Variants in MAP3K19 observed in about 807,000 individuals in gnomAD.
The protein encoded by MAP3K19 is mitogen-activated protein kinase kinase kinase 19, also known as SPS1/STE20-related protein kinase YSK4.
Under a neutral mutation model 114.4 loss-of-function variants are expected in MAP3K19, and 91 were observed. The ratio of observed to expected loss-of-function variants is 0.80; its 90% CI spans 0.67 to 0.95. MAP3K19 has a LOEUF of 0.95. Ranked by LOEUF, MAP3K19 falls within the 40% of genes least tolerant of loss-of-function variation. The probability of loss-of-function intolerance (pLI) is 0.00; values close to 1 mark genes in which losing one functional copy is unlikely to be tolerated. For missense variants in MAP3K19, 1,471 were observed against 1,573.2 expected (o/e 0.94, Z 1.10); for synonymous variants, 518 against 530.5 (o/e 0.98, Z 0.32).
intron 4 of MAP3K19, chr2:135,023,766 C>T (rs934195531): frequency 3.0e-6 from 1 of 330,432 alleles, no homozygotes; most frequent in African/African-American, 2.2e-5. Context: ...CATATGGGCA[C>T]TTCTATAATT....
At position 134,981,090 on chromosome 2, in the gene MAP3K19, A is replaced by G; in HGVS notation, c.3651T>C (p.Asn1217=). 1 of 1,614,242 alleles carries G rather than the reference A, an allele frequency of 6.2e-7. No homozygotes were observed. The highest frequency in any genetic ancestry group is 1.1e-5 in the South Asian group (1 of 91,086). ...CARRLAWAGL[N]GTHSDMLKSM... ...ACTTAAGCATGTCACTGTGGGTGCC[A>G]TTTAAACCTGCCCAGGCCAAACGCC... Residue 1217 remains asparagine, a synonymous_variant, in exon 12 of 13, where the codon AAT becomes AAC. Transcript: ENST00000392915.
At position 134,981,241 on chromosome 2, in the gene MAP3K19, G is replaced by T; in HGVS notation, c.3500C>A (p.Thr1167Lys). 6.2e-7 allele frequency: 1 copy of T among 1,614,118 alleles called. No individual in the cohort carries two copies. Among genetic ancestry groups the T allele is most frequent in the Non-Finnish European group, 8.5e-7 (1 of 1,180,032 alleles). Residue 1167 changes from threonine (T) to lysine (K), a missense_variant, in exon 12 of 13, where the codon ACG (threonine) becomes AAG (lysine). Physicochemically the swap from Thr to Lys is moderately conservative, Grantham distance 78 (BLOSUM62 -1). Coordinates refer to ENST00000392915, the MANE Select transcript of MAP3K19 (RefSeq NM_025052.5). The stretch of plus-strand genomic sequence containing the variant: ...AGCAACACCTTGAAGTATTTGTTTC[G>T]TATATTTACAGAACACCATCTCAGG... Reference protein sequence around the residue: ...PLPEMVFCKYTKQILQGVAYL... With the variant: ...PLPEMVFCKYKKQILQGVAYL...
intron 5 of MAP3K19, 142 bp downstream of exon 5, chr2:135,021,573 A>G (rs1467333166): frequency 1.7e-6 from 1 of 580,106 alleles, no homozygotes; most frequent in Non-Finnish European, 3.0e-6. Flanking sequence ...CTTTCAGAAG[A>G]GTGTCTTACC....
intron 1 of MAP3K19, among the ~76,000 whole-genome samples, chr2:135,041,739 T>C (rs529367362): frequency 6.6e-6 from 1 of 152,338 alleles, no homozygotes; most frequent in African/African-American, 2.4e-5. Context: ...ATTGATTCGA[T>C]GTGCAATTTC....
intron 12 of MAP3K19, among the ~76,000 whole-genome samples, chr2:134,971,891 T>A (rs1683906635): frequency 6.6e-6 from 1 of 151,996 alleles, no homozygotes; most frequent in Non-Finnish European, 1.5e-5. Context: ...TGTATTTTTT[T>A]CTGTATTTCA....
At chr2:134,994,134 T>C (rs1685819458) in intron 8 of MAP3K19, among the ~76,000 whole-genome samples, 1 of 152,106 alleles carries the variant, frequency 6.6e-6, no homozygotes, top group South Asian at 2.1e-4. Context: ...TTAAAAAACA[T>C]GTAAATAAGG....
At chr2:134,995,526 A>G (rs1357238530) in intron 8 of MAP3K19, among the ~76,000 whole-genome samples, 2 of 152,058 alleles carry the variant, frequency 1.3e-5, no homozygotes, top group African/African-American at 4.8e-5. Context: ...AACAAAAGGA[A>G]CCAACAGATT....
At chr2:135,025,066 G>T (rs1688199709) in intron 3 of MAP3K19, among the ~76,000 whole-genome samples, 1 of 150,600 alleles carries the variant, frequency 6.6e-6, no homozygotes, top group South Asian at 2.1e-4. Context: ...ATCTTTTGTT[G>T]TTTTTTTTTA....
At chr2:134,993,938 A>T (rs1312819571) in intron 8 of MAP3K19, among the ~76,000 whole-genome samples, 1 of 152,178 alleles carries the variant, frequency 6.6e-6, no homozygotes, top group African/African-American at 2.4e-5. Context: ...TAAGCCTGGA[A>T]TATTGAGGCT....
chr2:135,004,847 G>A (rs2105311935), intron 6 of MAP3K19, among the ~76,000 whole-genome samples: 1 of 152,270 alleles, frequency 6.6e-6, no homozygotes, highest in East Asian at 1.9e-4. Context: ...CTTCCCCTCA[G>A]GGACAACGGC....
chr2:135,025,791 T>G (rs1688238065), intron 3 of MAP3K19, among the ~76,000 whole-genome samples: 1 of 139,856 alleles, frequency 7.2e-6, no homozygotes, highest in Non-Finnish European at 1.5e-5. Flanking sequence ...TTATCCTCTC[T>G]ATTATGACAG....
At chr2:135,023,898 G>GAA (rs57745705) in intron 4 of MAP3K19, among the ~76,000 whole-genome samples, 125 of 148,136 alleles carry the variant, frequency 8.4e-4, no homozygotes, top group African/African-American at 2.7e-3. Flanking sequence ...CTGTTTTATT[G>GAA]AAAAAAAAAA....
intron 6 of MAP3K19, among the ~76,000 whole-genome samples, chr2:135,002,492 C>G (rs1264325042): frequency 6.6e-6 from 1 of 151,262 alleles, no homozygotes; most frequent in African/African-American, 2.4e-5. Context: ...TCAATGAGGT[C>G]CTTGTTCTAT....
intron 5 of MAP3K19, among the ~76,000 whole-genome samples, chr2:135,018,020 G>A (rs1013941306): frequency 2.0e-5 from 3 of 152,158 alleles, no homozygotes; most frequent in East Asian, 1.9e-4. Context: ...GGCCGGGTAC[G>A]GTGGCTCATG....
chr2:135,029,891 A>G (rs1020098095), intron 3 of MAP3K19, among the ~76,000 whole-genome samples: 1 of 152,242 alleles, frequency 6.6e-6, no homozygotes, highest in African/African-American at 2.4e-5. Flanking sequence ...ACAACTAAAT[A>G]TTAGGCAAGG....
At chr2:134,984,107 C>G (rs1226547264) in intron 10 of MAP3K19, among the ~76,000 whole-genome samples, 1 of 152,190 alleles carries the variant, frequency 6.6e-6, no homozygotes, top group Non-Finnish European at 1.5e-5. Context: ...AGGCCTGCAG[C>G]TACTAACCAC....
In MAP3K19 at chr2:135,013,314, A is replaced by G. The variant is rs138898209; in HGVS notation, c.139-7783T>C. Among the ~76,000 whole-genome samples the G allele has an allele frequency of 6.0e-4, 86 of 143,170 alleles. 2 individuals carry two copies. The East Asian group carries it at 0.014, about 24-fold the overall frequency. 93.9% of individuals were successfully genotyped at this position (143,170 alleles called of 152,430 possible). A position where few individuals can be genotyped will look rare whatever the true frequency, so the allele number is the denominator to read the frequency against. ...GCGACAGAGTAAGAGTCCGTCCCAA[A>G]AAAAAAAAAAAGAAGAAGAAGAAGA... On this transcript the variant is annotated intron_variant, in intron 5 of 12. Coordinates refer to ENST00000392915, the MANE Select transcript of MAP3K19 (RefSeq NM_025052.5).
Position 134,981,368 on chromosome 2 carries a change from C to G in MAP3K19, c.3373G>C (p.Ala1125Pro). ...TCTTGCAAGCATGTCCCCAAATAGGCCACAATGTTGACATGTTTCAGTGCT... is the reference window on the plus strand; with the variant it reads ...TCTTGCAAGCATGTCCCCAAATAGGGCACAATGTTGACATGTTTCAGTGCT... ...LKALKHVNIVAYLGTCLQENT... is the reference protein window; with the variant it reads ...LKALKHVNIVPYLGTCLQENT... Residue 1125 changes from alanine (A) to proline (P), a missense_variant, in exon 12 of 13, where the codon GCC becomes CCC. Transcript: ENST00000392915. 1 of 1,614,160 alleles carries G rather than the reference C, an allele frequency of 6.2e-7. No individual in the cohort carries two copies. The highest frequency in any genetic ancestry group is 8.5e-7 in the Non-Finnish European group (1 of 1,180,038).
chr2:134,987,194 T>A lies in MAP3K19; in HGVS notation c.1678A>T (p.Ile560Phe). ...CTGGTTTTATGCATGGTAGGCTTAA[T>A]GGGACCTTCAGTAGAAATCACAAAA... Reference protein sequence around the residue: ...QNFVISTEGPIKPTMHKTSIK... With the variant: ...QNFVISTEGPFKPTMHKTSIK... Residue 560 changes from isoleucine (I) to phenylalanine (F), a missense_variant, in exon 10 of 13, where the codon ATT (isoleucine) becomes TTT (phenylalanine). By Grantham distance (21) the Ile-to-Phe change is conservative. Coordinates refer to ENST00000392915, the MANE Select transcript of MAP3K19 (RefSeq NM_025052.5). 6.2e-7 allele frequency: 1 copy of A among 1,614,220 alleles called. No individual in the cohort carries two copies. The highest frequency in any genetic ancestry group is 8.5e-7 in the Non-Finnish European group (1 of 1,180,028).
Sources: allele counts gnomAD v4.1 joint callset (sites outside exome capture counted in the v4.1 genomes callset), GRCh38; gene constraint gnomAD v4.1.1; transcripts MANE v1.5; gene names NCBI Gene and HGNC (gene_info 2026-07-23, HGNC 2026-07-21).